Variants in BLTP3B observed in about 807,000 individuals in gnomAD.
The protein encoded by BLTP3B is bridge-like lipid transfer protein family member 3B, also known as UHRF1 (ICBP90) binding protein 1-like.
At chr12:100,051,578 G>A in the BLTP3B span, 35,164 of 168,858 alleles carry the variant, frequency 0.21, 4,923 homozygotes, top group African/African-American at 0.41. Context: ...TTACTACTCT[G>A]TAGTCAGCTT....
At chr12:100,060,161 G>A in the BLTP3B span, 3 of 813,060 alleles carry the variant, frequency 3.7e-6, no homozygotes, top group Non-Finnish European at 5.2e-6. Flanking sequence ...CAAATTTGAG[G>A]TATTATTTAC....
At chr12:100,058,339 T>C in the BLTP3B span, 3 of 1,613,730 alleles carry the variant, frequency 1.9e-6, no homozygotes, top group Non-Finnish European at 2.5e-6. Context: ...AGTCCACTAC[T>C]TTCATCTTCA....
At chr12:100,071,388 T>A in the BLTP3B span, among the ~76,000 whole-genome samples, 1 of 150,380 alleles carries the variant, frequency 6.6e-6, no homozygotes, top group Non-Finnish European at 1.5e-5. Flanking sequence ...TCCCAGCTAC[T>A]CGGAAGCCTG....
chr12:100,082,675 G>A, the BLTP3B span, among the ~76,000 whole-genome samples: 27 of 152,250 alleles, frequency 1.8e-4, no homozygotes, highest in Admixed American at 8.5e-4. Flanking sequence ...TGTTATTGTC[G>A]ACTTTGTCGA....
chr12:100,122,858 G>C, the BLTP3B span, among the ~76,000 whole-genome samples: 1 of 152,048 alleles, frequency 6.6e-6, no homozygotes, highest in South Asian at 2.1e-4. Flanking sequence ...CCTTCTCTCC[G>C]TCTGTTCCTA....
the BLTP3B span, among the ~76,000 whole-genome samples, chr12:100,108,127 T>C: frequency 2.0e-5 from 3 of 152,214 alleles, no homozygotes; most frequent in Non-Finnish European, 4.4e-5. Flanking sequence ...GATGCAATTA[T>C]TTTATTAACA....
At chr12:100,050,288 C>T in the BLTP3B span, 3 of 1,607,524 alleles carry the variant, frequency 1.9e-6, no homozygotes, top group Admixed American at 1.7e-5. Flanking sequence ...TCCCCATTAA[C>T]ACCAGTAATT....
the BLTP3B span, chr12:100,097,600 T>C: frequency 7.5e-7 from 1 of 1,340,390 alleles, no homozygotes; most frequent in Non-Finnish European, 1.0e-6. Context: ...ATATTCTCAG[T>C]TAATTTTCAC....
chr12:100,050,295 A>G, the BLTP3B span: 1 of 1,606,568 alleles, frequency 6.2e-7, no homozygotes. Flanking sequence ...TAACACCAGT[A>G]ATTTTAAATA....
At chr12:100,089,725 A>C in the BLTP3B span, among the ~76,000 whole-genome samples, 1 of 152,190 alleles carries the variant, frequency 6.6e-6, no homozygotes, top group Admixed American at 6.6e-5. Flanking sequence ...GTTTATTTGA[A>C]TATTATATAT....
chr12:100,126,128 T>C, the BLTP3B span, among the ~76,000 whole-genome samples: 2 of 152,148 alleles, frequency 1.3e-5, no homozygotes, highest in Admixed American at 6.6e-5. Flanking sequence ...AAGAAGACTT[T>C]GGGAAGGCTT....
At chr12:100,042,853 G>A in the BLTP3B span, among the ~76,000 whole-genome samples, 4 of 152,334 alleles carry the variant, frequency 2.6e-5, no homozygotes, top group South Asian at 2.1e-4. Flanking sequence ...AGGCTGGAGT[G>A]CAGTGGCACG....
the BLTP3B span, among the ~76,000 whole-genome samples, chr12:100,140,726 A>T: frequency 9.0e-6 from 1 of 111,284 alleles, no homozygotes; most frequent in Non-Finnish European, 1.8e-5. Flanking sequence ...AAAAAAAAAA[A>T]AAAATATATA....
the BLTP3B span, chr12:100,037,785 T>C: frequency 1.6e-5 from 25 of 1,549,708 alleles, no homozygotes; most frequent in African/African-American, 3.2e-4. Context: ...GGGGATAAGA[T>C]AATTTAATCA....
At chr12:100,059,772 T>A in the BLTP3B span, 2 of 1,383,180 alleles carry the variant, frequency 1.4e-6, no homozygotes, top group Non-Finnish European at 2.0e-6. Context: ...TAATAATCAA[T>A]GTAACATACA....
the BLTP3B span, among the ~76,000 whole-genome samples, chr12:100,089,464 G>A: frequency 6.6e-6 from 1 of 152,146 alleles, no homozygotes; most frequent in African/African-American, 2.4e-5. Context: ...GGAGGCTGAG[G>A]CAGGAGAATC....
chr12:100,055,062 C>G, the BLTP3B span, among the ~76,000 whole-genome samples: 8 of 151,834 alleles, frequency 5.3e-5, no homozygotes, highest in Non-Finnish European at 1.0e-4. Flanking sequence ...GGTAAACTGA[C>G]TAGTGTCTCC....
At chr12:100,075,064 T>C in the BLTP3B span, among the ~76,000 whole-genome samples, 2 of 150,502 alleles carry the variant, frequency 1.3e-5, no homozygotes, top group African/African-American at 4.9e-5. Context: ...CAGGCTGGAG[T>C]GCAATGGCAT....
chr12:100,052,310 T>C, the BLTP3B span, among the ~76,000 whole-genome samples: 261 of 152,180 alleles, frequency 1.7e-3, 1 homozygote, highest in African/African-American at 5.8e-3. Flanking sequence ...CCCATAGTGC[T>C]AGGATTACAG....
Sources: gnomAD v4.1 joint callset for allele counts (sites outside exome capture counted in the v4.1 genomes callset) on GRCh38, gnomAD v4.1.1 for gene constraint, MANE v1.5 for transcripts, NCBI Gene and HGNC (gene_info 2026-07-23, HGNC 2026-07-21) for gene names.